THOC5: variants seen among roughly 807,000 people sequenced by gnomAD.
THOC5 encodes THO complex subunit 5, also known as Fms-interacting protein.
THOC5 carries 43 observed loss-of-function variants against 92.9 expected under a neutral mutation model. That is an observed-to-expected ratio of 0.46 (90% confidence interval 0.36 to 0.60). The LOEUF (loss-of-function observed/expected upper bound fraction) is 0.60, where lower values mean the gene tolerates loss of function less well. THOC5 is among the 20% of genes least tolerant of loss of function. THOC5 has a pLI of 0.00. For synonymous variants in THOC5, 296 were observed against 320.1 expected (o/e 0.92, Z 0.80); for missense variants, 659 against 849.4 (o/e 0.78, Z 2.79).
At chr22:29,524,258 T>TC (rs2063500460) in intron 12 of THOC5, among the ~76,000 whole-genome samples, 3 of 152,302 alleles carry the variant, frequency 2.0e-5, no homozygotes, top group African/African-American at 7.2e-5. Flanking sequence ...GTCCAGAGCC[T>TC]CAGTTAACTC....
rs988835267 is a variant in THOC5, at chr22:29,507,030, G to A, written c.*1427C>T. ...ACTATTGGTGCATACCACCACACCT[G>A]GCTGATTTTTAAATTTTTTGTAGAT... On this transcript the variant is annotated 3_prime_UTR_variant, in exon 20 of 20. Transcript: ENST00000490103. The A allele has an allele frequency of 1.3e-5, 2 of 152,074 alleles. No individual in the cohort carries two copies. Among genetic ancestry groups the A allele is most frequent in the African/African-American group, 4.8e-5 (2 of 41,406 alleles). The allele number at this position is 152,074 out of a possible 1,614,324, so 9.4% of individuals were successfully genotyped here.
chr22:29,508,609 G>C (rs953915184), intron 19 of THOC5, 89 bp from the exon 20 acceptor site: 2 of 1,176,928 alleles, frequency 1.7e-6, no homozygotes, highest in Admixed American at 3.7e-5. Context: ...GGAAAAAGAA[G>C]AGGCAGAGTT....
At chr22:29,545,481 C>T (rs1299681721) in intron 2 of THOC5, among the ~76,000 whole-genome samples, 5 of 152,156 alleles carry the variant, frequency 3.3e-5, no homozygotes. Flanking sequence ...GCCCCTTCCG[C>T]CTATGAGCCT....
intron 19 of THOC5, among the ~76,000 whole-genome samples, chr22:29,509,728 G>A (rs994030415): frequency 7.0e-6 from 1 of 143,868 alleles, no homozygotes; most frequent in Non-Finnish European, 1.5e-5. Context: ...GTAAGGGAGA[G>A]GTAAGGCACT....
Position 29,536,625 on chromosome 22 carries a change from T to C in THOC5, c.713A>G (p.Gln238Arg). 6.3e-7 allele frequency: 1 copy of C among 1,597,862 alleles called. No individual in the cohort carries two copies. The highest frequency in any genetic ancestry group is 1.1e-5 in the South Asian group (1 of 90,756). ...AAGCAAAAGGCCAGAGGGCCCCACC[T>C]GCATGATGCTGTTGAGGCGGGGCTG... ...SLQPRLNSIM[Q>R]ASLPVQEYLF... Residue 238 changes from glutamine (Q) to arginine (R), a missense_variant and splice_region_variant, in exon 7 of 20, where the codon CAG (glutamine) becomes CGG (arginine). Coordinates refer to ENST00000490103, the MANE Select transcript of THOC5 (RefSeq NM_003678.5).
intron 19 of THOC5, among the ~76,000 whole-genome samples, chr22:29,509,339 G>C (rs78862659): frequency 0.022 from 3,378 of 152,050 alleles, 137 homozygotes; most frequent in African/African-American, 0.077. Flanking sequence ...TGGAGAAGAG[G>C]AAATCAATGC....
At position 29,519,020 on chromosome 22, in the gene THOC5, T is replaced by C; in HGVS notation, c.1475A>G (p.Gln492Arg). 1.9e-6 allele frequency: 3 copies of C among 1,604,950 alleles called. No homozygotes were observed. Among genetic ancestry groups the C allele is most frequent in the Non-Finnish European group, 2.6e-6 (3 of 1,175,346 alleles). The change falls in exon 15 of 20, where the codon CAG (glutamine) becomes CGG (arginine). Residue 492 changes from glutamine to arginine, a missense_variant. By Grantham distance (43) the Gln-to-Arg change is conservative. Coordinates refer to ENST00000490103, the MANE Select transcript of THOC5 (RefSeq NM_003678.5). Reference protein sequence around the residue: ...RVQSRLALHKQFASLEHGIVP... With the variant: ...RVQSRLALHKRFASLEHGIVP... ...CATCAGCTTACCTAGGGATGCAAAC[T>C]GTTTGTGGAGGGCCAGGCGGGACTG...
At chr22:29,542,796 T>C in intron 5 of THOC5, 63 bp downstream of exon 5, 5 of 1,098,240 alleles carry the variant, frequency 4.6e-6, no homozygotes, top group Admixed American at 4.2e-5. Context: ...TACAGTGAGC[T>C]ACATGGGAAA....
At chr22:29,516,885 C>T (rs2063342897) in intron 17 of THOC5, 144 bp downstream of exon 17, 1 of 721,296 alleles carries the variant, frequency 1.4e-6, no homozygotes, top group African/African-American at 1.8e-5. Context: ...AGAATGAGTC[C>T]TTGCTGAACA....
Position 29,508,038 on chromosome 22 carries a change from T to G in THOC5, c.*419A>C, listed in dbSNP as rs2146416882. The G allele has an allele frequency of 5.9e-6, 1 of 169,214 alleles. No individual in the cohort carries two copies. Among genetic ancestry groups the G allele is most frequent in the East Asian group, 1.7e-4 (1 of 5,912 alleles). The allele number at this position is 169,214 out of a possible 1,614,324, so 10.5% of individuals were successfully genotyped here. On this transcript the variant is annotated 3_prime_UTR_variant, in exon 20 of 20. Transcript: ENST00000490103. ...AAGAGCGGGTGGGGAGGGAAGAGTT[T>G]TGCTTTTTGTGCTCTGCTGCCTTTG...
At chr22:29,543,234 G>T (rs975232165) in intron 4 of THOC5, among the ~76,000 whole-genome samples, 195 bp downstream of exon 4, 1 of 151,226 alleles carries the variant, frequency 6.6e-6, no homozygotes, top group Non-Finnish European at 1.5e-5. Flanking sequence ...TGTAATCCCA[G>T]CTACTTAGGA....
At position 29,508,222 on chromosome 22, in the gene THOC5, GA is replaced by G. The variant is rs1444327090; in HGVS notation, c.*234del. 3 of 557,860 alleles carry G rather than the reference GA, an allele frequency of 5.4e-6. No individual in the cohort carries two copies. The highest frequency in any genetic ancestry group is 9.5e-6 in the Non-Finnish European group (3 of 314,194). The allele number at this position is 557,860 out of a possible 1,614,324, so 34.6% of individuals were successfully genotyped here. A position where few individuals can be genotyped will look rare whatever the true frequency, so the allele number is the denominator to read the frequency against. ...TTCCACTCTGCTTTTATTGGCTGCT[GA>G]GAAAAAGTCTCTCTACAAATGCTTT... is the stretch of plus-strand genomic sequence containing the variant. On this transcript the variant is annotated 3_prime_UTR_variant, in exon 20 of 20. Transcript: ENST00000490103.
At chr22:29,522,826 C>T (rs747569341) in intron 12 of THOC5, among the ~76,000 whole-genome samples, 3 of 151,968 alleles carry the variant, frequency 2.0e-5, no homozygotes, top group Non-Finnish European at 4.4e-5. Flanking sequence ...AATGGTGAAA[C>T]CCCGTCTCTA....
rs767215230 is a variant in THOC5 at position 29,536,693 on chromosome 22, A to G, written c.645T>C (p.Ile215=). 2.2e-5 allele frequency: 36 copies of G among 1,613,714 alleles called. No individual in the cohort carries two copies. In the Middle Eastern group the frequency reaches 8.2e-4, roughly 37 times the overall value. ...CCTTCTTCACCTCAATCTCCTTGAG[A>G]ATCTTCTCCTTGTTAGATAGGCACT... ...YRECLSNKEK[I]LKEIEVKKEY... The change falls in exon 7 of 20, where the codon ATT becomes ATC. Residue 215 remains isoleucine, a synonymous_variant. Transcript: ENST00000490103.
rs868059767 is a variant in THOC5 at position 29,520,050 on chromosome 22, C to T, written c.1332G>A (p.Val444=). The T allele has an allele frequency of 6.2e-7, 1 of 1,613,954 alleles. No homozygotes were observed. ...VLELGHPYLW[V]QKLGGLHFPK... is the part of the protein sequence containing the mutation. ...GGAAGTGGAGGCCACCCAGCTTCTGCACCCACAAATAGGGGTGACCTAGCT... is the reference window on the plus strand; with the variant it reads ...GGAAGTGGAGGCCACCCAGCTTCTGTACCCACAAATAGGGGTGACCTAGCT... The change falls in exon 14 of 20, where the codon GTG becomes GTA. Residue 444 remains valine (V), a synonymous_variant. Transcript: ENST00000490103.
intron 8 of THOC5, 149 bp downstream of exon 8, chr22:29,531,682 G>A: frequency 2.7e-6 from 4 of 1,458,506 alleles, no homozygotes; most frequent in South Asian, 1.6e-5. Flanking sequence ...CAGCCATGCT[G>A]GGCAATGCAG....
chr22:29,522,863 T>C (rs369388848), intron 12 of THOC5, among the ~76,000 whole-genome samples: 3 of 152,160 alleles, frequency 2.0e-5, no homozygotes, highest in East Asian at 3.9e-4. Context: ...TAGCCCAGCA[T>C]GGTGGCACGC....
rs201078491 is a variant in THOC5, at chr22:29,526,632, AT to A, written c.1067-687del. ...GCTTCCCACCAAGAGGTAGGGCTTA[AT>A]TTCTCTGCCCTTGAGAGTGGGCTGG... On this transcript the variant is annotated intron_variant, in intron 11 of 19. Transcript: ENST00000490103. Among the ~76,000 whole-genome samples, 1,259 of 152,212 alleles carry A rather than the reference AT, an allele frequency of 8.3e-3. 16 individuals carry two copies. Among genetic ancestry groups the A allele is most frequent in the African/African-American group, 0.027 (1,101 of 41,530 alleles).
Position 29,543,335 on chromosome 22 carries a change from G to A in THOC5, c.354+94C>T, listed in dbSNP as rs561277665. ...TGCACTCTAGCCTGGGGGACAGAAC[G>A]AGACTCTGTCTCAAAAAAAAAAAAA... is the stretch of plus-strand genomic sequence containing the variant. On this transcript the variant is annotated intron_variant, in intron 4 of 19. Coordinates refer to ENST00000490103, the MANE Select transcript of THOC5 (RefSeq NM_003678.5). The A allele has an allele frequency of 9.9e-5, 77 of 774,928 alleles. No individual in the cohort carries two copies. The African/African-American group carries it at 1.3e-3, about 13-fold the overall frequency. 48.0% of individuals were successfully genotyped at this position (774,928 alleles called of 1,614,324 possible). A position where few individuals can be genotyped will look rare whatever the true frequency, so the allele number is the denominator to read the frequency against.
Sources: allele counts gnomAD v4.1 joint callset (sites outside exome capture counted in the v4.1 genomes callset), GRCh38; gene constraint gnomAD v4.1.1; transcripts MANE v1.5; gene names NCBI Gene and HGNC (gene_info 2026-07-23, HGNC 2026-07-21).